GPATCH2: variants seen among roughly 807,000 people sequenced by gnomAD.
GPATCH2 encodes G patch domain-containing protein 2.
In GPATCH2, 51 loss-of-function variants were observed where a neutral mutation model predicts 58.0. The observed-to-expected ratio is 0.88, with a 90% CI of 0.70 to 1.11. The LOEUF (loss-of-function observed/expected upper bound fraction) is 1.11, where lower values mean the gene tolerates loss of function less well. GPATCH2 is among the 50% of genes most tolerant of loss of function. The probability of loss-of-function intolerance (pLI) is 0.00; values close to 1 mark genes in which losing one functional copy is unlikely to be tolerated. For synonymous variants in GPATCH2, 222 were observed against 218.5 expected, an observed-to-expected ratio of 1.02 and a Z score of -0.14; for missense variants, 625 against 652.2, an observed-to-expected ratio of 0.96 and a Z score of 0.45.
At chr1:217,472,361 G>T (rs1660765031) in intron 8 of GPATCH2, among the ~76,000 whole-genome samples, 3 of 147,232 alleles carry the variant, frequency 2.0e-5, no homozygotes, top group South Asian at 2.2e-4. Flanking sequence ...GAGTGCAGTG[G>T]CCTGATCTCG....
intron 5 of GPATCH2, among the ~76,000 whole-genome samples, chr1:217,548,604 T>A (rs1229636088): frequency 1.3e-5 from 2 of 152,140 alleles, no homozygotes; most frequent in Non-Finnish European, 2.9e-5. Context: ...CTGGGTGATA[T>A]GGTTTGGCTG....
At chr1:217,488,761 G>T (rs371787391) in intron 8 of GPATCH2, among the ~76,000 whole-genome samples, 126 of 151,940 alleles carry the variant, frequency 8.3e-4, no homozygotes, top group African/African-American at 3.0e-3. Flanking sequence ...GCATGATCAT[G>T]GCTCACTGTA....
At chr1:217,627,102 A>G (rs527547308) in intron 1 of GPATCH2, among the ~76,000 whole-genome samples, 1 of 152,200 alleles carries the variant, frequency 6.6e-6, no homozygotes, top group East Asian at 1.9e-4. Flanking sequence ...CAAATTACCT[A>G]TCTTCTGATT....
intron 8 of GPATCH2, among the ~76,000 whole-genome samples, chr1:217,487,331 G>A (rs1661498820): frequency 1.3e-5 from 2 of 151,992 alleles, no homozygotes; most frequent in African/African-American, 4.8e-5. Context: ...ATTTAAGGCA[G>A]TAGAATTTCC....
At chr1:217,579,434 A>G (rs72747614) in intron 5 of GPATCH2, among the ~76,000 whole-genome samples, 9,372 of 152,196 alleles carry the variant, frequency 0.062, 326 homozygotes, top group Middle Eastern at 0.1. Context: ...TTTTTAACTT[A>G]TTGGAAAATT....
At chr1:217,555,941 T>C (rs1344340286) in intron 5 of GPATCH2, among the ~76,000 whole-genome samples, 1 of 152,198 alleles carries the variant, frequency 6.6e-6, no homozygotes, top group Non-Finnish European at 1.5e-5. Flanking sequence ...CTCCAAATTC[T>C]TTACTTTGTA....
At chr1:217,489,197 A>G (rs1488212728) in intron 8 of GPATCH2, among the ~76,000 whole-genome samples, 1 of 151,266 alleles carries the variant, frequency 6.6e-6, no homozygotes, top group East Asian at 1.9e-4. Context: ...TCAGCCTTCC[A>G]AAGTGCTGGA....
At chr1:217,458,998 C>T (rs1660080278) in intron 8 of GPATCH2, among the ~76,000 whole-genome samples, 1 of 152,116 alleles carries the variant, frequency 6.6e-6, no homozygotes, top group Non-Finnish European at 1.5e-5. Context: ...CAGAACCTAG[C>T]TTTGTTTTTC....
chr1:217,534,073 G>A (rs145714957), intron 5 of GPATCH2, among the ~76,000 whole-genome samples: 1,605 of 152,044 alleles, frequency 0.011, 27 homozygotes, highest in African/African-American at 0.036. Flanking sequence ...AAAATTAGCC[G>A]TGCATGGTGG....
At chr1:217,457,640 A>AC (rs1303426614) in intron 8 of GPATCH2, among the ~76,000 whole-genome samples, 2 of 152,142 alleles carry the variant, frequency 1.3e-5, no homozygotes, top group Admixed American at 6.5e-5. Context: ...AGCAGAGTAA[A>AC]CTCATTACAT....
chr1:217,504,371 C>T (rs933916261), intron 6 of GPATCH2, among the ~76,000 whole-genome samples: 2 of 152,000 alleles, frequency 1.3e-5, no homozygotes, highest in African/African-American at 4.8e-5. Context: ...ATGTCTCTGC[C>T]GATATATCCA....
At chr1:217,531,962 A>G (rs1664212439) in intron 5 of GPATCH2, among the ~76,000 whole-genome samples, 1 of 152,222 alleles carries the variant, frequency 6.6e-6, no homozygotes. Context: ...GTTTCACAGT[A>G]TTAACTATGA....
At chr1:217,460,341 A>G (rs1376945595) in intron 8 of GPATCH2, among the ~76,000 whole-genome samples, 1 of 152,234 alleles carries the variant, frequency 6.6e-6, no homozygotes, top group African/African-American at 2.4e-5. Flanking sequence ...ACTTCTGCTG[A>G]AAACGTAATG....
At chr1:217,524,734 A>T (rs1043640508) in intron 5 of GPATCH2, among the ~76,000 whole-genome samples, 6 of 149,886 alleles carry the variant, frequency 4.0e-5, no homozygotes, top group African/African-American at 1.5e-4. Context: ...GGCAGCGCGC[A>T]CCTGCAATTG....
At chr1:217,473,170 T>G (rs1318925485) in intron 8 of GPATCH2, among the ~76,000 whole-genome samples, 1 of 152,108 alleles carries the variant, frequency 6.6e-6, no homozygotes, top group Non-Finnish European at 1.5e-5. Context: ...TGTTCTGCCT[T>G]AGTGAGATAA....
intron 6 of GPATCH2, among the ~76,000 whole-genome samples, chr1:217,506,251 A>T (rs1662555019): frequency 1.3e-5 from 2 of 152,186 alleles, no homozygotes; most frequent in South Asian, 4.1e-4. Context: ...ATTATCACTA[A>T]ATATATGAAT....
chr1:217,535,506 C>G (rs530438385), intron 5 of GPATCH2, among the ~76,000 whole-genome samples: 1 of 152,268 alleles, frequency 6.6e-6, no homozygotes, highest in East Asian at 1.9e-4. Context: ...CCCGCCACCA[C>G]GCCTGGCTAA....
intron 5 of GPATCH2, among the ~76,000 whole-genome samples, chr1:217,541,434 C>T (rs1664735946): frequency 6.6e-6 from 1 of 152,054 alleles, no homozygotes; most frequent in Non-Finnish European, 1.5e-5. Context: ...GTTTTCTCCC[C>T]CTGCAGTTTC....
chr1:217,525,993 C>A (rs1364431210), intron 5 of GPATCH2, among the ~76,000 whole-genome samples: 1 of 152,144 alleles, frequency 6.6e-6, no homozygotes, highest in Non-Finnish European at 1.5e-5. Context: ...AACAATGTGT[C>A]ATATCATCCA....
Sources: gnomAD v4.1 joint callset for allele counts (sites outside exome capture counted in the v4.1 genomes callset) on GRCh38, gnomAD v4.1.1 for gene constraint, MANE v1.5 for transcripts, NCBI Gene and HGNC (gene_info 2026-07-23, HGNC 2026-07-21) for gene names.